SNAPC3: variants seen among roughly 807,000 people sequenced by gnomAD.
The protein encoded by SNAPC3 is small nuclear RNA activating complex polypeptide 3.
SNAPC3 carries 56 observed loss-of-function variants against 47.7 expected under a neutral mutation model. That is an observed-to-expected ratio of 1.18 (90% CI 0.95 to 1.47). The LOEUF (loss-of-function observed/expected upper bound fraction) is 1.47, where lower values mean the gene tolerates loss of function less well. Ranked by LOEUF, SNAPC3 falls within the 40% of genes most tolerant of loss-of-function variation. The probability of loss-of-function intolerance (pLI) is 0.00; values close to 1 mark genes in which losing one functional copy is unlikely to be tolerated. For synonymous variants in SNAPC3, 235 were observed against 189.9 expected (o/e 1.24, Z -1.95); for missense variants, 665 against 511.3 (o/e 1.30, Z -2.90).
At chr9:15,451,608 T>G (rs769640633) in intron 6 of SNAPC3, among the ~76,000 whole-genome samples, 65 of 152,170 alleles carry the variant, frequency 4.3e-4, no homozygotes, top group Non-Finnish European at 7.4e-4. Flanking sequence ...GGAGAATCTT[T>G]TGAGGCCAAG....
chr9:15,433,594 A>C lies in SNAPC3; in HGVS notation c.435A>C (p.Thr145=). 11 of 1,610,654 alleles carry C rather than the reference A, an allele frequency of 6.8e-6. No individual in the cohort carries two copies. Among genetic ancestry groups the C allele is most frequent in the Non-Finnish European group, 8.5e-6 (10 of 1,177,950 alleles). Residue 145 remains threonine, a synonymous_variant, in exon 3 of 9, where the codon ACA becomes ACC. Coordinates refer to ENST00000380821, the MANE Select transcript of SNAPC3 (RefSeq NM_001039697.2). ...RFLEHREETI[T]IDRACRQETF... is the part of the protein sequence containing the mutation. The stretch of plus-strand genomic sequence containing the variant: ...TGGAACATCGGGAAGAAACCATTAC[A>C]ATAGATCGAGCCTGCAGACAAGAAA...
chr9:15,436,203 A>T (rs568365234), intron 3 of SNAPC3, among the ~76,000 whole-genome samples: 2 of 152,320 alleles, frequency 1.3e-5, no homozygotes, highest in South Asian at 4.1e-4. Context: ...GATGAAGTCT[A>T]GTTTATCTTT....
At chr9:15,447,975 C>G (rs2034075422) in intron 5 of SNAPC3, among the ~76,000 whole-genome samples, 2 of 152,138 alleles carry the variant, frequency 1.3e-5, no homozygotes, top group African/African-American at 4.8e-5. Flanking sequence ...GATCATTTAC[C>G]TAATAAAGCA....
At chr9:15,442,973 A>G (rs958706740) in intron 3 of SNAPC3, among the ~76,000 whole-genome samples, 6 of 152,370 alleles carry the variant, frequency 3.9e-5, no homozygotes, top group Middle Eastern at 6.8e-3. Context: ...GCTGGAGACC[A>G]GCCTGGCCAA....
Position 15,423,902 on chromosome 9 carries a change from G to A in SNAPC3, c.315-7G>A. 2 of 1,546,142 alleles carry A rather than the reference G, an allele frequency of 1.3e-6. No homozygotes were observed. Among genetic ancestry groups the A allele is most frequent in the Non-Finnish European group, 1.7e-6 (2 of 1,146,386 alleles). On this transcript the variant is annotated splice_polypyrimidine_tract_variant and splice_region_variant and intron_variant, in intron 1 of 8. Transcript: ENST00000380821. ...CCTTAAAGTATTGCTTTTCCTTTTT[G>A]TTTTAGCCTTGATAAACTGAAATGC... is the stretch of plus-strand genomic sequence containing the variant.
chr9:15,442,990 G>A (rs967602748), intron 3 of SNAPC3, among the ~76,000 whole-genome samples: 3 of 152,212 alleles, frequency 2.0e-5, no homozygotes, highest in Non-Finnish European at 4.4e-5. Flanking sequence ...CCAACACAGC[G>A]AAACCCCGTC....
At chr9:15,454,332 C>A (rs553967148) in intron 7 of SNAPC3, among the ~76,000 whole-genome samples, 1 of 152,240 alleles carries the variant, frequency 6.6e-6, no homozygotes, top group Non-Finnish European at 1.5e-5. Flanking sequence ...GTATCCCATG[C>A]ACTCCATCTC....
intron 5 of SNAPC3, among the ~76,000 whole-genome samples, chr9:15,450,132 T>TAGTC (rs1230506846): frequency 4.6e-5 from 7 of 152,166 alleles, no homozygotes; most frequent in African/African-American, 1.7e-4. Context: ...TTGTAGCAGC[T>TAGTC]AGTCATATGA....
At chr9:15,456,696 G>C (rs1403903270) in intron 7 of SNAPC3, among the ~76,000 whole-genome samples, 1 of 152,016 alleles carries the variant, frequency 6.6e-6, no homozygotes, top group African/African-American at 2.4e-5. Context: ...TTGAACTCCT[G>C]AGCTCAAGCG....
At chr9:15,439,508 A>C (rs953386086) in intron 3 of SNAPC3, among the ~76,000 whole-genome samples, 5 of 152,012 alleles carry the variant, frequency 3.3e-5, no homozygotes, top group Admixed American at 3.3e-4. Context: ...ACACATGCCA[A>C]AACATCTTAT....
intron 1 of SNAPC3, among the ~76,000 whole-genome samples, chr9:15,423,481 C>T (rs779368069): frequency 5.9e-5 from 9 of 152,082 alleles, no homozygotes; most frequent in Non-Finnish European, 1.0e-4. Context: ...TAAAGAAAAG[C>T]AATCAGGGCA....
At chr9:15,455,979 A>G (rs1272986678) in intron 7 of SNAPC3, among the ~76,000 whole-genome samples, 5 of 151,256 alleles carry the variant, frequency 3.3e-5, no homozygotes, top group East Asian at 1.9e-4. Context: ...GGTTCAGGCA[A>G]TTCTTCTGCC....
intron 3 of SNAPC3, 127 bp downstream of exon 3, chr9:15,433,763 A>G (rs374396432): frequency 9.2e-6 from 5 of 544,408 alleles, no homozygotes; most frequent in Admixed American, 3.6e-5. Flanking sequence ...AACTAGAGAA[A>G]CTCCTTTGAG....
At chr9:15,442,348 G>C (rs2033512699) in intron 3 of SNAPC3, among the ~76,000 whole-genome samples, 1 of 151,560 alleles carries the variant, frequency 6.6e-6, no homozygotes, top group Non-Finnish European at 1.5e-5. Flanking sequence ...GCGGCTGCCG[G>C]GCAGAGACGC....
chr9:15,442,893 G>C (rs1387252688), intron 3 of SNAPC3, among the ~76,000 whole-genome samples: 2 of 152,258 alleles, frequency 1.3e-5, no homozygotes, highest in Non-Finnish European at 2.9e-5. Context: ...TGAGCACTGA[G>C]TGAAGGAGAC....
At position 15,453,094 on chromosome 9, in the gene SNAPC3, C is replaced by T. The variant is rs1327856498; in HGVS notation, c.869C>T (p.Thr290Ile). 1 of 1,613,282 alleles carries T rather than the reference C, an allele frequency of 6.2e-7. No homozygotes were observed. The highest frequency in any genetic ancestry group is 8.5e-7 in the Non-Finnish European group (1 of 1,179,352). Residue 290 changes from threonine (T) to isoleucine (I), a missense_variant, in exon 7 of 9, where the codon ACT (threonine) becomes ATT (isoleucine). By Grantham distance (89) the Thr-to-Ile change is moderately conservative. Coordinates refer to ENST00000380821, the MANE Select transcript of SNAPC3 (RefSeq NM_001039697.2). Reference protein sequence around the residue: ...SHDRGYGKFQTARMEDFTFND... With the variant: ...SHDRGYGKFQIARMEDFTFND... The stretch of plus-strand genomic sequence containing the variant: ...GATAGAGGCTATGGAAAGTTTCAGA[C>T]TGCTAGAATGGAAGATTTCACCTTC...
intron 4 of SNAPC3, among the ~76,000 whole-genome samples, chr9:15,445,261 C>G (rs1468942411): frequency 1.3e-5 from 2 of 152,208 alleles, no homozygotes; most frequent in African/African-American, 4.8e-5. Context: ...TGCCTGATTT[C>G]TGCACTAGAA....
chr9:15,447,794 T>G (rs2034063402), intron 5 of SNAPC3, among the ~76,000 whole-genome samples: 2 of 152,276 alleles, frequency 1.3e-5, no homozygotes, highest in Non-Finnish European at 2.9e-5. Flanking sequence ...TTCTTCACCT[T>G]TCGCTGCCCA....
intron 2 of SNAPC3, among the ~76,000 whole-genome samples, chr9:15,426,254 C>A (rs914030339): frequency 1.3e-5 from 2 of 152,110 alleles, no homozygotes; most frequent in Non-Finnish European, 2.9e-5. Flanking sequence ...CAGGCCTTTG[C>A]CCAGAACAGT....
Sources: allele counts gnomAD v4.1 joint callset (sites outside exome capture counted in the v4.1 genomes callset), GRCh38; gene constraint gnomAD v4.1.1; transcripts MANE v1.5; gene names NCBI Gene and HGNC (gene_info 2026-07-23, HGNC 2026-07-21).